The following CFHR2 variants were observed in gnomAD, a reference collection of about 807,000 sequenced individuals.
CFHR2 encodes the protein complement factor H related 2.
Under a neutral mutation model 21.7 loss-of-function variants are expected in CFHR2, and 22 were observed. The ratio of observed to expected loss-of-function variants is 1.01; its 90% CI spans 0.72 to 1.45. The LOEUF (loss-of-function observed/expected upper bound fraction) is 1.45, where lower values mean the gene tolerates loss of function less well. Among genes scored for constraint, CFHR2 ranks in the 40% most tolerant of loss-of-function variants. The pLI, the probability that CFHR2 is intolerant of heterozygous loss-of-function variation, is 0.00. For missense variants in CFHR2, 294 were observed against 293.3 expected, an observed-to-expected ratio of 1.00 and a Z score of -0.02; for synonymous variants, 98 against 97.4, an observed-to-expected ratio of 1.01 and a Z score of -0.04.
intron 3 of CFHR2, among the ~76,000 whole-genome samples, chr1:196,956,808 A>G (rs1344289588): frequency 6.6e-6 from 1 of 152,078 alleles, no homozygotes; most frequent in Non-Finnish European, 1.5e-5. Flanking sequence ...TAATATGAAG[A>G]GTAATTTTTA....
At chr1:196,956,964 G>A (rs1045812721) in intron 3 of CFHR2, among the ~76,000 whole-genome samples, 1 of 152,194 alleles carries the variant, frequency 6.6e-6, no homozygotes, top group Non-Finnish European at 1.5e-5. Context: ...AAAGGGAGCG[G>A]TGTCTTGTTA....
intron 3 of CFHR2, among the ~76,000 whole-genome samples, chr1:196,952,598 G>A (rs1217449914): frequency 1.3e-5 from 2 of 152,128 alleles, no homozygotes; most frequent in African/African-American, 4.8e-5. Context: ...AATTAAGTTT[G>A]ACCAGCTGTA....
Position 196,954,734 on chromosome 1 carries a change from A to T in CFHR2, c.431-3157A>T, listed in dbSNP as rs140786908. On this transcript the variant is annotated intron_variant, in intron 3 of 4. Coordinates refer to ENST00000367415, the MANE Select transcript of CFHR2 (RefSeq NM_005666.4). The stretch of plus-strand genomic sequence containing the variant: ...ACCCACAGGCACAACACCATGTGGA[A>T]GCTGCCAAAGTTCGAGGTTTGCACC... Among the ~76,000 whole-genome samples the T allele has an allele frequency of 6.3e-3, 958 of 152,354 alleles. 8 individuals carry two copies. Among genetic ancestry groups the T allele is most frequent in the African/African-American group, 0.021 (891 of 41,590 alleles).
chr1:196,958,419 A>C (rs535335589), intron 4 of CFHR2, among the ~76,000 whole-genome samples: 1 of 149,676 alleles, frequency 6.7e-6, no homozygotes, highest in African/African-American at 2.5e-5. Flanking sequence ...TGTGTGTGAG[A>C]GAGAGAGAGA....
Position 196,949,483 on chromosome 1 carries a change from C to T in CFHR2, c.87C>T (p.Asn29=), listed in dbSNP as rs1659642498. 1 of 1,613,240 alleles carries T rather than the reference C, an allele frequency of 6.2e-7. No individual in the cohort carries two copies. Among genetic ancestry groups the T allele is most frequent in the African/African-American group, 1.3e-5 (1 of 74,862 alleles). ...EAMFCDFPKI[N]HGILYDEEKY... ...TGTTCTGTGATTTTCCAAAAATAAACCATGGAATTCTATATGATGAAGAAA... is the reference window on the plus strand; with the variant it reads ...TGTTCTGTGATTTTCCAAAAATAAATCATGGAATTCTATATGATGAAGAAA... Residue 29 remains asparagine, a synonymous_variant, in exon 2 of 5, where the codon AAC becomes AAT. Coordinates refer to ENST00000367415, the MANE Select transcript of CFHR2 (RefSeq NM_005666.4).
chr1:196,953,834 A>T (rs1338184608), intron 3 of CFHR2, among the ~76,000 whole-genome samples: 1 of 152,180 alleles, frequency 6.6e-6, no homozygotes, highest in Non-Finnish European at 1.5e-5. Flanking sequence ...AAATATTTCA[A>T]TTTTTTGTGT....
At chr1:196,948,666 T>C (rs1365910578) in intron 1 of CFHR2, among the ~76,000 whole-genome samples, 1 of 152,210 alleles carries the variant, frequency 6.6e-6, no homozygotes, top group South Asian at 2.1e-4. Context: ...GTATTTTTAA[T>C]TGCATTATTT....
chr1:196,950,075 T>A (rs933308776), intron 2 of CFHR2, among the ~76,000 whole-genome samples: 1 of 152,172 alleles, frequency 6.6e-6, no homozygotes, highest in Non-Finnish European at 1.5e-5. Flanking sequence ...TCTTTGGTCC[T>A]TCAAAGTGTA....
At chr1:196,953,631 A>G (rs1271788496) in intron 3 of CFHR2, among the ~76,000 whole-genome samples, 1 of 152,216 alleles carries the variant, frequency 6.6e-6, no homozygotes, top group African/African-American at 2.4e-5. Flanking sequence ...AGATTTTTTA[A>G]AAGATGATAA....
chr1:196,955,721 C>T (rs1652845158), intron 3 of CFHR2, among the ~76,000 whole-genome samples: 1 of 151,714 alleles, frequency 6.6e-6, no homozygotes, highest in Admixed American at 6.6e-5. Context: ...GGTGGTGACT[C>T]CTGTAATCTC....
chr1:196,947,550 TCA>T (rs1245633511), intron 1 of CFHR2, among the ~76,000 whole-genome samples: 1 of 152,202 alleles, frequency 6.6e-6, no homozygotes, highest in Non-Finnish European at 1.5e-5. Context: ...AGTTAGATAA[TCA>T]GTTTCACGTT....
intron 2 of CFHR2, 105 bp from the exon 3 acceptor site, chr1:196,950,747 A>T: frequency 7.6e-7 from 1 of 1,307,628 alleles, no homozygotes; most frequent in African/African-American, 1.5e-5. Context: ...TGCAGGGATT[A>T]CCAGCTTGAG....
At chr1:196,945,794 G>C (rs1478758369) in intron 1 of CFHR2, among the ~76,000 whole-genome samples, 2 of 150,864 alleles carry the variant, frequency 1.3e-5, no homozygotes, top group African/African-American at 2.5e-5. Context: ...GTGTGTGTGT[G>C]TGTGTGTGTG....
intron 4 of CFHR2, 85 bp from the exon 5 acceptor site, chr1:196,958,796 T>C: frequency 1.2e-6 from 1 of 823,446 alleles, no homozygotes; most frequent in Non-Finnish European, 1.9e-6. Context: ...TCCTCAACCA[T>C]CATATAACAT....
chr1:196,953,271 T>TTTATTTAC (rs1553310151), intron 3 of CFHR2, among the ~76,000 whole-genome samples: 4 of 150,566 alleles, frequency 2.7e-5, no homozygotes, highest in South Asian at 2.1e-4. Context: ...TATTTATTTA[T>TTTATTTAC]TTACTTACTT....
intron 3 of CFHR2, among the ~76,000 whole-genome samples, chr1:196,954,359 C>T (rs1652785595): frequency 6.6e-6 from 1 of 152,226 alleles, no homozygotes; most frequent in East Asian, 1.9e-4. Flanking sequence ...ACTTCTGTGG[C>T]TTTGCAGGGT....
rs1652955783 is a variant in CFHR2 at position 196,957,911 on chromosome 1, C to G, written c.451C>G (p.Pro151Ala). The G allele has an allele frequency of 1.2e-6, 2 of 1,610,574 alleles. No homozygotes were observed. The highest frequency in any genetic ancestry group is 1.7e-4 in the Middle Eastern group (1 of 6,040). ...TTTAGTTTCTGCAGAAAAATGTGGG[C>G]CCCCTCCACCTATTGACAATGGAGA... ...RSTISAEKCG[P>A]PPPIDNGDIT... is the part of the protein sequence containing the mutation. Residue 151 changes from proline to alanine, a missense_variant, in exon 4 of 5, where the codon CCC becomes GCC. Physicochemically the swap from Pro to Ala is conservative, Grantham distance 27. Transcript: ENST00000367415.
chr1:196,959,363 A>G lies in CFHR2; in HGVS notation c.*283A>G. On this transcript the variant is annotated 3_prime_UTR_variant, in exon 5 of 5. Transcript: ENST00000367415. ...GGAGTACATAGTAATGTTTCCATAT[A>G]TATAATGTATAATGGTCAGTTAGGG... 1 of 283,216 alleles carries G rather than the reference A, an allele frequency of 3.5e-6. No individual in the cohort carries two copies. The highest frequency in any genetic ancestry group is 6.6e-6 in the Non-Finnish European group (1 of 151,094). The allele number at this position is 283,216 out of a possible 1,614,324, so 17.5% of individuals were successfully genotyped here.
At chr1:196,945,157 T>G (rs999345486) in intron 1 of CFHR2, among the ~76,000 whole-genome samples, 1 of 145,024 alleles carries the variant, frequency 6.9e-6, no homozygotes, top group African/African-American at 2.6e-5. Flanking sequence ...ATTGCAGGCA[T>G]AAGCCACCAC....
Sources: allele counts gnomAD v4.1 joint callset (sites outside exome capture counted in the v4.1 genomes callset), GRCh38; gene constraint gnomAD v4.1.1; transcripts MANE v1.5; gene names NCBI Gene and HGNC (gene_info 2026-07-23, HGNC 2026-07-21).